SIGLEC8: variants seen among roughly 807,000 people sequenced by gnomAD.
The protein encoded by SIGLEC8 is sialic acid binding Ig like lectin 8.
In SIGLEC8, 32 loss-of-function variants were observed where a neutral mutation model predicts 42.1. The ratio of observed to expected loss-of-function variants is 0.76; its 90% CI spans 0.57 to 1.02. The LOEUF (loss-of-function observed/expected upper bound fraction) is 1.02. Among genes scored for constraint, SIGLEC8 ranks in the 50% least tolerant of loss-of-function variants. The pLI is 0.00. For missense variants in SIGLEC8, 611 were observed against 610.2 expected (o/e 1.00, Z -0.01); for synonymous variants, 262 against 260.3 (o/e 1.01, Z -0.06).
In SIGLEC8 at chr19:51,455,592, G is replaced by T. The variant is rs768450422; in HGVS notation, c.877C>A (p.Leu293Met). 1 of 1,614,172 alleles carries T rather than the reference G, an allele frequency of 6.2e-7. No homozygotes were observed. Among genetic ancestry groups the T allele is most frequent in the Admixed American group, 1.7e-5 (1 of 60,022 alleles). The change falls in exon 4 of 7, where the codon CTG becomes ATG. Residue 293 changes from leucine (L) to methionine (M), a missense_variant. By Grantham distance (15) the Leu-to-Met change is conservative. Coordinates refer to ENST00000321424, the MANE Select transcript of SIGLEC8 (RefSeq NM_014442.3). The part of the protein sequence containing the change: ...CAVNSNPPAR[L>M]SWTRGSLTLC... ...GTCAGGCTCCCCCGGGTCCAGCTCA[G>T]CCTGGCAGGGGGATTGCTGTTGACA...
rs1383124572 is a variant in SIGLEC8, at chr19:51,454,081, C to T, written c.1245+138G>A. 63 of 1,471,098 alleles carry T rather than the reference C, an allele frequency of 4.3e-5. No individual in the cohort carries two copies. Among genetic ancestry groups the T allele is most frequent in the Non-Finnish European group, 5.3e-5 (59 of 1,113,070 alleles). The allele number at this position is 1,471,098 out of a possible 1,614,324, so 91.1% of individuals were successfully genotyped here. ...CATGCTGTCAGCAAGATGGGGGAGT[C>T]CTGTAGAAGCCGGCCTGTGGGAAGG... On this transcript the variant is annotated intron_variant, in intron 6 of 6. Transcript: ENST00000321424. This position sits in a 1 kb window ranked among gnomAD's most constrained non-coding sequence, Gnocchi z 4.7.
In SIGLEC8 at chr19:51,457,651, A is replaced by G. The variant is rs1989529889; in HGVS notation, c.543T>C (p.Cys181=). 1.9e-6 allele frequency: 3 copies of G among 1,611,444 alleles called. No homozygotes were observed. The highest frequency in any genetic ancestry group is 2.5e-6 in the Non-Finnish European group (3 of 1,178,584). The change falls in exon 2 of 7, where the codon TGT becomes TGC. Residue 181 remains cysteine (C), a synonymous_variant. Transcript: ENST00000321424. ...AGATCATGGGGGGTGTCCCCTGCTT[A>G]CAGGCCCAGGGCACAGAGCAGGTCA... ...RNLTCSVPWA[C]KQGTPPMISW...
chr19:51,457,283 G>T, intron 2 of SIGLEC8, 52 bp from the exon 3 acceptor site: 1 of 1,565,546 alleles, frequency 6.4e-7, no homozygotes, highest in East Asian at 2.2e-5. Context: ...TGGGGACATT[G>T]GCCCTGTCTT....
At position 51,455,645 on chromosome 19, in the gene SIGLEC8, T is replaced by C. The variant is rs1568515049; in HGVS notation, c.824A>G (p.Glu275Gly). 3 of 1,613,634 alleles carry C rather than the reference T, an allele frequency of 1.9e-6. No homozygotes were observed. Among genetic ancestry groups the C allele is most frequent in the Non-Finnish European group, 2.5e-6 (3 of 1,179,814 alleles). Residue 275 changes from glutamate (E) to glycine (G), a missense_variant, in exon 4 of 7, where the codon GAG becomes GGG. Physicochemically the swap from Glu to Gly is moderately conservative, Grantham distance 98. Coordinates refer to ENST00000321424, the MANE Select transcript of SIGLEC8 (RefSeq NM_014442.3). The stretch of plus-strand genomic sequence containing the variant: ...ACAGACCAGGCGCAGAGACTGGCCC[T>C]CAAGGACTGAAAGAGATGAGCCATT... Reference protein sequence around the residue: ...LGNGSSLSVLEGQSLRLVCAV... With the variant: ...LGNGSSLSVLGGQSLRLVCAV...
rs936085016 is a variant in SIGLEC8 at position 51,454,539 on chromosome 19, G to A, written c.1148+145C>T. 3.4e-5 allele frequency: 34 copies of A among 1,008,750 alleles called. No homozygotes were observed. Among genetic ancestry groups the A allele is most frequent in the Admixed American group, 1.4e-4 (6 of 42,748 alleles). The allele number at this position is 1,008,750 out of a possible 1,614,324, so 62.5% of individuals were successfully genotyped here. A position where few individuals can be genotyped will look rare whatever the true frequency, so the allele number is the denominator to read the frequency against. ...TGGAGCCCCACAGACAAGGACGCTC[G>A]TGAAATGCTCACCGTGCACCCGTGA... On this transcript the variant is annotated intron_variant, in intron 5 of 6. Coordinates refer to ENST00000321424, the MANE Select transcript of SIGLEC8 (RefSeq NM_014442.3). The surrounding 1 kb of genome is among the most constrained non-coding windows in gnomAD (Gnocchi z 4.7).
chr19:51,456,103 G>T (rs1356632626), intron 3 of SIGLEC8, among the ~76,000 whole-genome samples: 1 of 151,674 alleles, frequency 6.6e-6, no homozygotes, highest in Non-Finnish European at 1.5e-5. Context: ...AGCATTAGGA[G>T]ATATACCTAA....
chr19:51,458,367 C>G lies in SIGLEC8; in HGVS notation c.21G>C (p.Leu7=), dbSNP rs62639327. The change falls in exon 1 of 7, where the codon CTG becomes CTC. Residue 7 remains leucine, a synonymous_variant. Coordinates refer to ENST00000321424, the MANE Select transcript of SIGLEC8 (RefSeq NM_014442.3). The part of the protein sequence containing the change: MLLLLL[L]LPLLWGTKGM... ...CCTTTGTCCCCCAGAGCAGGGGCAG[C>G]AGCAGCAGCAGCAGCAGCATGTCTG... 5,700 of 1,612,190 alleles carry G rather than the reference C, an allele frequency of 3.5e-3. 20 individuals are homozygous for G. The highest frequency in any genetic ancestry group is 4.4e-3 in the Non-Finnish European group (5,192 of 1,178,784).
Position 51,458,329 on chromosome 19 carries a change from T to C in SIGLEC8, c.59A>G (p.Asp20Gly). 1 of 1,614,038 alleles carries C rather than the reference T, an allele frequency of 6.2e-7. No homozygotes were observed. The change falls in exon 1 of 7, where the codon GAC (aspartate) becomes GGC (glycine). Residue 20 changes from aspartate to glycine, a missense_variant. Coordinates refer to ENST00000321424, the MANE Select transcript of SIGLEC8 (RefSeq NM_014442.3). ...LLWGTKGMEG[D>G]RQYGDGYLLQ... The stretch of plus-strand genomic sequence containing the variant: ...CAAGTAACCATCCCCATATTGTCTG[T>C]CTCCCTCCATCCCCTTTGTCCCCCA...
chr19:51,455,713 T>C (rs1183943802), intron 3 of SIGLEC8, 26 bp from the exon 4 acceptor site: 1 of 1,596,376 alleles, frequency 6.3e-7, no homozygotes, highest in Admixed American at 1.8e-5. Context: ...CAGAGGGTCA[T>C]CCCATTACTG....
rs1183557846 is a variant in SIGLEC8, at chr19:51,454,838, C to T, written c.1052-58G>A. ...ATATCACGGAGAAGTGGGTCTCTTC[C>T]CCTCCCACTGTCTGCAGGGCCCTAG... On this transcript the variant is annotated intron_variant, in intron 4 of 6. Transcript: ENST00000321424. This position sits in a 1 kb window ranked among gnomAD's most constrained non-coding sequence, Gnocchi z 4.7. The T allele has an allele frequency of 2.4e-6, 3 of 1,254,290 alleles. No individual in the cohort carries two copies. The African/African-American group carries it at 4.4e-5, about 18-fold the overall frequency. 77.7% of individuals were successfully genotyped at this position (1,254,290 alleles called of 1,614,324 possible). A position where few individuals can be genotyped will look rare whatever the true frequency, so the allele number is the denominator to read the frequency against.
At chr19:51,453,898 A>C in intron 6 of SIGLEC8, 1 of 985,354 alleles carries the variant, frequency 1.0e-6, no homozygotes, top group Non-Finnish European at 1.2e-6. Flanking sequence ...GAGAGGGGTC[A>C]GGATGGCTGG....
At position 51,457,471 on chromosome 19, in the gene SIGLEC8, G is replaced by A. The variant is rs529965574; in HGVS notation, c.723C>T (p.Leu241=). 10 of 1,613,676 alleles carry A rather than the reference G, an allele frequency of 6.2e-6. No individual in the cohort carries two copies. The highest frequency in any genetic ancestry group is 1.7e-4 in the Middle Eastern group (1 of 5,720). The change falls in exon 2 of 7, where the codon CTC becomes CTT. Residue 241 remains leucine, a synonymous_variant. Coordinates refer to ENST00000321424, the MANE Select transcript of SIGLEC8 (RefSeq NM_014442.3). ...TGVTTTSTVR[L]DVSYPPWNLT... is the part of the protein sequence containing the mutation. ...TGGTCCAGCACTCACAGGACACATCGAGGCGGACGGTACTGGTCGTGGTCA... is the reference window on the plus strand; with the variant it reads ...TGGTCCAGCACTCACAGGACACATCAAGGCGGACGGTACTGGTCGTGGTCA...
At position 51,454,933 on chromosome 19, in the gene SIGLEC8, G is replaced by A. The variant is rs182254404; in HGVS notation, c.1052-153C>T. Among the ~76,000 whole-genome samples, 2 of 152,370 alleles carry A rather than the reference G, an allele frequency of 1.3e-5. No homozygotes were observed. The highest frequency in any genetic ancestry group is 2.9e-5 in the Non-Finnish European group (2 of 68,044). ...GGAGGGAGGAAAGGAGACTACTTCT[G>A]AGGCCAGTGAGGCATGAGAGTGCTG... is the stretch of plus-strand genomic sequence containing the variant. On this transcript the variant is annotated intron_variant, in intron 4 of 6. Transcript: ENST00000321424. The surrounding 1 kb of genome is among the most constrained non-coding windows in gnomAD (Gnocchi z 4.7).
intron 2 of SIGLEC8, 84 bp from the exon 3 acceptor site, chr19:51,457,315 GA>G: frequency 2.0e-6 from 3 of 1,514,552 alleles, no homozygotes; most frequent in African/African-American, 1.4e-5. Flanking sequence ...CAAATACAGG[GA>G]AAATGGAGTC....
In SIGLEC8 at chr19:51,454,599, G is replaced by A; in HGVS notation, c.1148+85C>T. Reference sequence around the variant, plus strand: ...TGCCCCAAGCCCTGGACCCATCCAGGTCCTTCCAGCTCTGGCTTCAGGGAT... The same window carrying A: ...TGCCCCAAGCCCTGGACCCATCCAGATCCTTCCAGCTCTGGCTTCAGGGAT... On this transcript the variant is annotated intron_variant, in intron 5 of 6. Coordinates refer to ENST00000321424, the MANE Select transcript of SIGLEC8 (RefSeq NM_014442.3). The surrounding 1 kb of genome is among the most constrained non-coding windows in gnomAD (Gnocchi z 4.7). 2 of 1,248,306 alleles carry A rather than the reference G, an allele frequency of 1.6e-6. No homozygotes were observed. Among genetic ancestry groups the A allele is most frequent in the Non-Finnish European group, 2.3e-6 (2 of 852,798 alleles). 77.3% of individuals were successfully genotyped at this position (1,248,306 alleles called of 1,614,324 possible).
At position 51,451,233 on chromosome 19, in the gene SIGLEC8, C is replaced by T. The variant is rs1172810297; in HGVS notation, c.*1146G>A. The T allele has an allele frequency of 6.6e-6, 1 of 152,150 alleles. No homozygotes were observed. The highest frequency in any genetic ancestry group is 1.5e-5 in the Non-Finnish European group (1 of 68,036). The allele number at this position is 152,150 out of a possible 1,614,324, so 9.4% of individuals were successfully genotyped here. On this transcript the variant is annotated 3_prime_UTR_variant, in exon 7 of 7. Coordinates refer to ENST00000321424, the MANE Select transcript of SIGLEC8 (RefSeq NM_014442.3). ...GATCCTATCACCTCCCACCAGGTCC[C>T]TCCCCCAACACATGGGGATTATAAT...
At chr19:51,453,445 C>A (rs1289982064) in intron 6 of SIGLEC8, 1 of 967,022 alleles carries the variant, frequency 1.0e-6, no homozygotes, top group African/African-American at 1.8e-5. Flanking sequence ...TGCCCCTAAT[C>A]CTAACACTTT....
Position 51,452,388 on chromosome 19 carries a change from G to A in SIGLEC8, c.1491C>T (p.Val497=). The A allele has an allele frequency of 6.3e-7, 1 of 1,599,620 alleles. No homozygotes were observed. The highest frequency in any genetic ancestry group is 8.6e-7 in the Non-Finnish European group (1 of 1,167,980). ...TCTTGTTCTATGAGAATCAGCCTCT[G>A]ACTTCTTTGCTGGAGGGGTTGTGAT... ...LRNHNPSSKE[V]RG is the part of the protein sequence containing the mutation. The change falls in exon 7 of 7, where the codon GTC becomes GTT. Residue 497 remains valine, a synonymous_variant. Coordinates refer to ENST00000321424, the MANE Select transcript of SIGLEC8 (RefSeq NM_014442.3).
intron 3 of SIGLEC8, 37 bp downstream of exon 3, chr19:51,457,147 C>T: frequency 6.3e-7 from 1 of 1,596,614 alleles, no homozygotes; most frequent in South Asian, 1.1e-5. Flanking sequence ...GCTGAAGGCC[C>T]TGCTCCCCCA....
Sources: gnomAD v4.1 joint callset for allele counts (sites outside exome capture counted in the v4.1 genomes callset) on GRCh38, gnomAD v4.1.1 for gene constraint, Gnocchi (gnomAD v3.1) non-coding constraint, MANE v1.5 for transcripts, NCBI Gene and HGNC (gene_info 2026-07-23, HGNC 2026-07-21) for gene names.